Variants in TMEM232 observed in about 807,000 individuals in gnomAD.
The protein encoded by TMEM232 is transmembrane protein 232.
TMEM232 carries 80 observed loss-of-function variants against 78.8 expected under a neutral mutation model. The observed-to-expected ratio is 1.01, with a 90% confidence interval of 0.85 to 1.22. The LOEUF is 1.22. Among genes scored for constraint, TMEM232 ranks in the 50% most tolerant of loss-of-function variants. TMEM232 has a pLI of 0.00. For missense variants in TMEM232, 881 were observed against 742.2 expected (o/e 1.19, Z -2.17); for synonymous variants, 297 against 254.3 (o/e 1.17, Z -1.60).
At chr5:110,617,415 T>C (rs1783075799) in intron 8 of TMEM232, among the ~76,000 whole-genome samples, 1 of 152,126 alleles carries the variant, frequency 6.6e-6, no homozygotes, top group Non-Finnish European at 1.5e-5. Context: ...TAGAGTAAAT[T>C]TTAATTGTTC....
chr5:110,669,117 ATAAC>A (rs1195025758), intron 1 of TMEM232, among the ~76,000 whole-genome samples: 2 of 152,202 alleles, frequency 1.3e-5, no homozygotes, highest in African/African-American at 4.8e-5. Flanking sequence ...AAGGCAAGAA[ATAAC>A]TAAGAGCAGA....
intron 1 of TMEM232, among the ~76,000 whole-genome samples, chr5:110,723,454 T>C (rs1292711917): frequency 6.6e-6 from 1 of 152,200 alleles, no homozygotes; most frequent in Non-Finnish European, 1.5e-5. Context: ...AGTACATTGA[T>C]CACAAGTTGT....
chr5:110,737,593 A>G (rs746736183), intron 1 of TMEM232, among the ~76,000 whole-genome samples: 1 of 152,174 alleles, frequency 6.6e-6, no homozygotes, highest in South Asian at 2.1e-4. Context: ...ATTAAGATTT[A>G]CCTTTTTTCA....
At chr5:110,525,575 G>T (rs948459145) in intron 12 of TMEM232, among the ~76,000 whole-genome samples, 17 of 151,944 alleles carry the variant, frequency 1.1e-4, no homozygotes, top group African/African-American at 3.9e-4. Flanking sequence ...ATGCCATATT[G>T]TTAGAGATAC....
intron 10 of TMEM232, among the ~76,000 whole-genome samples, chr5:110,604,465 A>G (rs1561369524): frequency 1.3e-5 from 2 of 152,172 alleles, no homozygotes; most frequent in Non-Finnish European, 2.9e-5. Flanking sequence ...GGAAAGGAGC[A>G]AGAGGGAAAC....
At chr5:110,678,460 T>C (rs73228144) in intron 1 of TMEM232, among the ~76,000 whole-genome samples, 4,417 of 152,218 alleles carry the variant, frequency 0.029, 221 homozygotes, top group African/African-American at 0.1. Context: ...GCTCAGCCTG[T>C]CCTATTATCA....
intron 10 of TMEM232, among the ~76,000 whole-genome samples, chr5:110,591,139 G>T (rs1338492346): frequency 2.6e-5 from 4 of 152,072 alleles, no homozygotes; most frequent in African/African-American, 4.8e-5. Flanking sequence ...TGTAATAAAG[G>T]CTTTATGTAA....
intron 1 of TMEM232, among the ~76,000 whole-genome samples, chr5:110,700,817 G>A (rs1328054867): frequency 6.6e-6 from 1 of 151,452 alleles, no homozygotes; most frequent in Non-Finnish European, 1.5e-5. Flanking sequence ...TAGATAGATA[G>A]ATAGATAGAT....
intron 12 of TMEM232, among the ~76,000 whole-genome samples, chr5:110,490,154 AAAGAAAGAAAGAAAGAAAGAAAG>A (rs1764901950): frequency 7.1e-6 from 1 of 140,558 alleles, no homozygotes; most frequent in African/African-American, 3.2e-5. Context: ...AGAAAGAAAG[AAAGAAAGAAAGAAAGAAAGAAAG>A]AAAGAAAGAA....
chr5:110,398,137 C>T (rs935480289), intron 2 of TMEM232, among the ~76,000 whole-genome samples: 1 of 152,106 alleles, frequency 6.6e-6, no homozygotes. Context: ...TATCTACCCA[C>T]TATTGCAAGG....
chr5:110,473,036 C>G (rs1762849034), intron 12 of TMEM232, among the ~76,000 whole-genome samples: 1 of 148,808 alleles, frequency 6.7e-6, no homozygotes, highest in Non-Finnish European at 1.5e-5. Flanking sequence ...TGGATAAAAC[C>G]TAAAAAGCAC....
chr5:110,608,252 A>G (rs1416717385), intron 8 of TMEM232, among the ~76,000 whole-genome samples: 1 of 152,000 alleles, frequency 6.6e-6, no homozygotes, highest in African/African-American at 2.4e-5. Context: ...TTTGAATGAA[A>G]TACTCTATGT....
At chr5:110,398,684 G>GC (rs1755482611) in intron 2 of TMEM232, among the ~76,000 whole-genome samples, 1 of 152,092 alleles carries the variant, frequency 6.6e-6, no homozygotes, top group Admixed American at 6.6e-5. Context: ...CATCTCTCTA[G>GC]CCACATGGCT....
At chr5:110,491,457 C>A (rs1765087771) in intron 12 of TMEM232, among the ~76,000 whole-genome samples, 1 of 151,758 alleles carries the variant, frequency 6.6e-6, no homozygotes, top group Non-Finnish European at 1.5e-5. Flanking sequence ...TAGGCAAATC[C>A]ACAGAAAAGA....
chr5:110,699,616 T>C (rs1295595846), intron 1 of TMEM232, among the ~76,000 whole-genome samples: 1 of 152,040 alleles, frequency 6.6e-6, no homozygotes, highest in East Asian at 1.9e-4. Flanking sequence ...ATTGCTTCTA[T>C]ACATGAAGTG....
chr5:110,523,969 G>GT (rs1192734646), intron 12 of TMEM232, among the ~76,000 whole-genome samples: 35 of 103,536 alleles, frequency 3.4e-4, no homozygotes, highest in Middle Eastern at 9.4e-3. Context: ...AAAAAAAAGG[G>GT]GGGGGGGCGG....
intron 12 of TMEM232, among the ~76,000 whole-genome samples, chr5:110,493,364 G>A (rs1765309225): frequency 6.8e-6 from 1 of 148,096 alleles, no homozygotes; most frequent in African/African-American, 2.5e-5. Context: ...GATTACACGG[G>A]TCAATAGCCA....
chr5:110,519,717 C>T (rs183769644), intron 12 of TMEM232, among the ~76,000 whole-genome samples: 2 of 151,940 alleles, frequency 1.3e-5, no homozygotes, highest in South Asian at 4.2e-4. Context: ...TTGGAATCAA[C>T]CCAAATGTCC....
At chr5:110,408,558 C>G (rs959187628) in intron 2 of TMEM232, among the ~76,000 whole-genome samples, 2 of 151,894 alleles carry the variant, frequency 1.3e-5, no homozygotes, top group African/African-American at 4.8e-5. Context: ...TGTCTGCACT[C>G]CAGCCCGGGT....
Sources: gnomAD v4.1 joint callset for allele counts (sites outside exome capture counted in the v4.1 genomes callset) on GRCh38, gnomAD v4.1.1 for gene constraint, MANE v1.5 for transcripts, NCBI Gene and HGNC (gene_info 2026-07-23, HGNC 2026-07-21) for gene names.